The following SEC14L5 variants were observed in gnomAD, a reference collection of about 807,000 sequenced individuals.
SEC14L5 encodes SEC14-like protein 5.
Under a neutral mutation model 84.6 loss-of-function variants are expected in SEC14L5, and 96 were observed. The ratio of observed to expected loss-of-function variants is 1.13; its 90% CI spans 0.96 to 1.34. The LOEUF (loss-of-function observed/expected upper bound fraction) is 1.34, where lower values mean the gene tolerates loss of function less well. SEC14L5 is among the 40% of genes most tolerant of loss of function. The pLI is 0.00. For synonymous variants in SEC14L5, 546 were observed against 383.4 expected (o/e 1.42, Z -4.95); for missense variants, 1,224 against 942.5 (o/e 1.30, Z -3.91).
intron 2 of SEC14L5, among the ~76,000 whole-genome samples, chr16:4,965,533 C>T (rs996805743): frequency 6.6e-5 from 10 of 151,132 alleles, no homozygotes; most frequent in East Asian, 1.9e-4. Flanking sequence ...TGGTGGCGGG[C>T]GCCTGTAGTC....
intron 7 of SEC14L5, 129 bp downstream of exon 7, chr16:4,996,589 C>T: frequency 1.6e-6 from 1 of 628,878 alleles, no homozygotes; most frequent in South Asian, 2.0e-5. Context: ...TTTATTTATT[C>T]ATTTATTTCT....
At chr16:5,003,864 G>C (rs570882640) in intron 11 of SEC14L5, among the ~76,000 whole-genome samples, 2 of 152,312 alleles carry the variant, frequency 1.3e-5, no homozygotes, top group Middle Eastern at 3.4e-3. Context: ...GGGCTCAAGC[G>C]GTCCTCTTGC....
At chr16:4,969,951 G>C (rs960869143) in intron 2 of SEC14L5, among the ~76,000 whole-genome samples, 2 of 151,968 alleles carry the variant, frequency 1.3e-5, no homozygotes, top group African/African-American at 4.8e-5. Context: ...CCAAGTAGCT[G>C]GGACTACAGG....
At chr16:4,987,736 G>A (rs1158234123) in intron 3 of SEC14L5, 30 bp downstream of exon 3, 2 of 1,449,902 alleles carry the variant, frequency 1.4e-6, no homozygotes, top group Non-Finnish European at 1.8e-6. Flanking sequence ...GGGGGCGGAG[G>A]AGGGGACCTG....
chr16:5,011,181 G>T lies in SEC14L5; in HGVS notation c.1887G>T (p.Pro629=). 6.2e-7 allele frequency: 1 copy of T among 1,613,632 alleles called. No homozygotes were observed. The highest frequency in any genetic ancestry group is 8.5e-7 in the Non-Finnish European group (1 of 1,179,822). Residue 629 remains proline, a synonymous_variant, in exon 15 of 16, where the codon CCG becomes CCT. Coordinates refer to ENST00000251170, the MANE Select transcript of SEC14L5 (RefSeq NM_014692.2). ...CCAGCAGCGTGGCCTGCAGCCTCCC[G>T]GGTGTGGACGATGTCCTGACGGCTC... ...SPPSSVACSL[P]GVDDVLTALH... is the part of the protein sequence containing the mutation.
chr16:4,987,612 A>G lies in SEC14L5; in HGVS notation c.119A>G (p.Glu40Gly). The change falls in exon 3 of 16, where the codon GAG becomes GGG. Residue 40 changes from glutamate to glycine, a missense_variant. By Grantham distance (98) the Glu-to-Gly change is moderately conservative. Coordinates refer to ENST00000251170, the MANE Select transcript of SEC14L5 (RefSeq NM_014692.2). ...CPQIPVFLGS[E>G]VLRESRSPDG... ...CAGATCCCAGTCTTCCTGGGCAGCG[A>G]GGTCTTGCGCGAGTCCCGCAGCCCG... The G allele has an allele frequency of 6.4e-7, 1 of 1,559,296 alleles. No individual in the cohort carries two copies. The highest frequency in any genetic ancestry group is 8.7e-7 in the Non-Finnish European group (1 of 1,152,708).
intron 12 of SEC14L5, among the ~76,000 whole-genome samples, chr16:5,007,050 G>A (rs2142528565): frequency 6.6e-6 from 1 of 152,310 alleles, no homozygotes; most frequent in East Asian, 1.9e-4. Flanking sequence ...AAAGGGACAT[G>A]AGCATGGGGC....
intron 11 of SEC14L5, among the ~76,000 whole-genome samples, chr16:5,005,680 T>C (rs888429092): frequency 1.3e-5 from 2 of 151,120 alleles, no homozygotes; most frequent in African/African-American, 4.9e-5. Context: ...GCTAACATGG[T>C]GAAACCCCGT....
In SEC14L5 at chr16:5,018,076, T is replaced by A. The variant is rs561933056; in HGVS notation, c.*3106T>A. 3 of 152,496 alleles carry A rather than the reference T, an allele frequency of 2.0e-5. No individual in the cohort carries two copies. Among genetic ancestry groups the A allele is most frequent in the African/African-American group, 7.2e-5 (3 of 41,584 alleles). 9.4% of individuals were successfully genotyped at this position (152,496 alleles called of 1,614,324 possible). A position where few individuals can be genotyped will look rare whatever the true frequency, so the allele number is the denominator to read the frequency against. On this transcript the variant is annotated 3_prime_UTR_variant, in exon 16 of 16. Transcript: ENST00000251170. Reference sequence around the variant, plus strand: ...GCTGTGTAACCTTGACCAGGTGACTTAACCTCTCTGTGCCTCAGTTTCCTC... The same window carrying A: ...GCTGTGTAACCTTGACCAGGTGACTAAACCTCTCTGTGCCTCAGTTTCCTC...
intron 14 of SEC14L5, 24 bp from the exon 15 acceptor site, chr16:5,011,071 C>T (rs771632313): frequency 6.4e-7 from 1 of 1,571,862 alleles, no homozygotes; most frequent in Non-Finnish European, 8.6e-7. Context: ...CGCAGGGCCT[C>T]AGGGCAGGGC....
In SEC14L5 at chr16:5,016,039, A is replaced by G. The variant is rs1381107961; in HGVS notation, c.*1069A>G. ...CAGAGACCCATGCCCAGGTGCTTCA[A>G]CACAAAAGCATGATCATTCATGGGT... On this transcript the variant is annotated 3_prime_UTR_variant, in exon 16 of 16. Transcript: ENST00000251170. 6.6e-6 allele frequency: 1 copy of G among 152,168 alleles called. No individual in the cohort carries two copies. Among genetic ancestry groups the G allele is most frequent in the East Asian group, 1.9e-4 (1 of 5,184 alleles). The allele number at this position is 152,168 out of a possible 1,614,324, so 9.4% of individuals were successfully genotyped here.
At chr16:4,962,700 A>AAG in intron 2 of SEC14L5, among the ~76,000 whole-genome samples, 1 of 151,384 alleles carries the variant, frequency 6.6e-6, no homozygotes, top group Non-Finnish European at 1.5e-5. Flanking sequence ...AAAAAAAAAA[A>AAG]AAAAAAAACT....
At chr16:5,007,642 G>T (rs960208302) in intron 13 of SEC14L5, among the ~76,000 whole-genome samples, 156 bp downstream of exon 13, 4 of 130,478 alleles carry the variant, frequency 3.1e-5, no homozygotes, top group Non-Finnish European at 6.2e-5. Flanking sequence ...GTCTCGCTCT[G>T]TTGCCCAGGC....
intron 2 of SEC14L5, among the ~76,000 whole-genome samples, chr16:4,979,759 G>A (rs1389347347): frequency 6.6e-6 from 1 of 152,044 alleles, no homozygotes; most frequent in Admixed American, 6.5e-5. Context: ...AGGAGGATGA[G>A]GTTTGAAAGC....
chr16:5,003,624 G>GGGGGGTGGCCC, intron 11 of SEC14L5, 51 bp downstream of exon 11: 1 of 305,312 alleles, frequency 3.3e-6, no homozygotes, highest in Non-Finnish European at 6.5e-6. Context: ...GGTGGGATGG[G>GGGGGGTGGCCC]AGGGGTTCCG....
chr16:5,007,837 G>C (rs113662793), intron 13 of SEC14L5, among the ~76,000 whole-genome samples: 2,739 of 151,046 alleles, frequency 0.018, 78 homozygotes, highest in African/African-American at 0.063. Context: ...AAATCCTGAG[G>C]TCAGGTGATC....
intron 2 of SEC14L5, among the ~76,000 whole-genome samples, chr16:4,973,544 T>A (rs1329162140): frequency 6.6e-6 from 1 of 152,230 alleles, no homozygotes; most frequent in Non-Finnish European, 1.5e-5. Context: ...GTCTACCCCA[T>A]GGCACAGTCT....
Position 5,007,394 on chromosome 16 carries a change from A to C in SEC14L5, c.1480A>C (p.Met494Leu). The C allele has an allele frequency of 6.2e-7, 1 of 1,613,448 alleles. No homozygotes were observed. Among genetic ancestry groups the C allele is most frequent in the South Asian group, 1.1e-5 (1 of 91,068 alleles). Reference sequence around the variant, plus strand: ...AGGGCTGGTCCCCAAGTCCCTCTACATGACAGAAGAGGAGCAGGAGCACAC... The same window carrying C: ...AGGGCTGGTCCCCAAGTCCCTCTACCTGACAGAAGAGGAGCAGGAGCACAC... ...EGGLVPKSLY[M>L]TEEEQEHTDQ... The change falls in exon 13 of 16, where the codon ATG becomes CTG. Residue 494 changes from methionine to leucine, a missense_variant. Transcript: ENST00000251170.
At chr16:4,961,584 C>A (rs1187968332) in intron 2 of SEC14L5, among the ~76,000 whole-genome samples, 5 of 152,210 alleles carry the variant, frequency 3.3e-5, no homozygotes, top group African/African-American at 9.6e-5. Context: ...TAGCCTCGGC[C>A]TCCCAAAGTG....
Sources: allele counts gnomAD v4.1 joint callset (sites outside exome capture counted in the v4.1 genomes callset), GRCh38; gene constraint gnomAD v4.1.1; transcripts MANE v1.5; gene names NCBI Gene and HGNC (gene_info 2026-07-23, HGNC 2026-07-21).